Variants in SLCO5A1 observed in about 807,000 individuals in gnomAD.
SLCO5A1 encodes solute carrier organic anion transporter family member 5A1.
In SLCO5A1, 39 loss-of-function variants were observed where a neutral mutation model predicts 65.1. The observed-to-expected ratio is 0.60, with a 90% CI of 0.46 to 0.78. SLCO5A1 has a LOEUF of 0.78. Among genes scored for constraint, SLCO5A1 ranks in the 30% least tolerant of loss-of-function variants. SLCO5A1 has a pLI of 0.00. For missense variants in SLCO5A1, 1,029 were observed against 1,069.4 expected (o/e 0.96, Z 0.53); for synonymous variants, 438 against 415.7 (o/e 1.05, Z -0.65).
intron 3 of SLCO5A1, among the ~76,000 whole-genome samples, chr8:69,756,070 A>G (rs946900152): frequency 2.0e-5 from 3 of 152,212 alleles, no homozygotes; most frequent in Non-Finnish European, 4.4e-5. Context: ...TTAATATCCC[A>G]TGTGAAATAT....
intron 2 of SLCO5A1, among the ~76,000 whole-genome samples, chr8:69,762,513 C>T (rs1817846166): frequency 6.6e-6 from 1 of 151,850 alleles, no homozygotes; most frequent in Non-Finnish European, 1.5e-5. Context: ...TGTTCAGACC[C>T]CACTCCAGAA....
At chr8:69,714,972 T>C (rs968761867) in intron 5 of SLCO5A1, 15 of 152,244 alleles carry the variant, frequency 9.9e-5, no homozygotes, top group Non-Finnish European at 2.1e-4. Context: ...GCTTTTCATT[T>C]CAGGTTTCTG....
chr8:69,808,015 G>GT (rs1820078013), intron 2 of SLCO5A1, among the ~76,000 whole-genome samples: 1 of 152,056 alleles, frequency 6.6e-6, no homozygotes, highest in African/African-American at 2.4e-5. Context: ...GAATTTCCTG[G>GT]TTTTTAAGGC....
chr8:69,734,690 C>T (rs1816481522), intron 5 of SLCO5A1, among the ~76,000 whole-genome samples: 1 of 152,204 alleles, frequency 6.6e-6, no homozygotes, highest in Non-Finnish European at 1.5e-5. Context: ...CTATCCATAA[C>T]ACAACGCAAA....
intron 2 of SLCO5A1, among the ~76,000 whole-genome samples, chr8:69,797,049 T>C (rs1819530433): frequency 6.6e-6 from 1 of 152,182 alleles, no homozygotes; most frequent in Non-Finnish European, 1.5e-5. Context: ...TCCTTCATCT[T>C]CCTGTGTTGC....
At chr8:69,799,380 G>A (rs1479183251) in intron 2 of SLCO5A1, among the ~76,000 whole-genome samples, 3 of 152,158 alleles carry the variant, frequency 2.0e-5, no homozygotes, top group African/African-American at 7.2e-5. Flanking sequence ...CTGTGGTCTT[G>A]TTAGAGATAT....
At position 69,831,659 on chromosome 8, in the gene SLCO5A1, T is replaced by C. The variant is rs951666373; in HGVS notation, c.907+108A>G. The C allele has an allele frequency of 2.9e-5, 35 of 1,203,882 alleles. No individual in the cohort carries two copies. The Middle Eastern group carries it at 7.9e-4, about 27-fold the overall frequency. The allele number at this position is 1,203,882 out of a possible 1,614,324, so 74.6% of individuals were successfully genotyped here. On this transcript the variant is annotated intron_variant, in intron 2 of 9. Coordinates refer to ENST00000260126, the MANE Select transcript of SLCO5A1 (RefSeq NM_030958.3). ...AAACGTAAAATAAAGTGAACTTTAA[T>C]CTATAATATACATGAAAATGTGAAA...
chr8:69,740,433 G>A (rs1183041495), intron 4 of SLCO5A1, among the ~76,000 whole-genome samples: 1 of 152,198 alleles, frequency 6.6e-6, no homozygotes, highest in Non-Finnish European at 1.5e-5. Flanking sequence ...GATTGGAACT[G>A]GAGGTACTGG....
chr8:69,801,940 C>T (rs1045685788), intron 2 of SLCO5A1, among the ~76,000 whole-genome samples: 5 of 152,234 alleles, frequency 3.3e-5, no homozygotes, highest in African/African-American at 4.8e-5. Flanking sequence ...CCTTCCACCA[C>T]CTCATGTCGC....
chr8:69,796,356 G>A (rs1176724095), intron 2 of SLCO5A1, among the ~76,000 whole-genome samples: 2 of 151,766 alleles, frequency 1.3e-5, no homozygotes, highest in Non-Finnish European at 2.9e-5. Flanking sequence ...GCTCACACCT[G>A]TAATCACAGC....
chr8:69,693,655 GA>G (rs1345183889), intron 6 of SLCO5A1, among the ~76,000 whole-genome samples: 14 of 152,086 alleles, frequency 9.2e-5, no homozygotes, highest in Admixed American at 7.9e-4. Context: ...ACCTCTCTGA[GA>G]CTTTATCCTC....
chr8:69,816,110 A>G (rs1246675341), intron 2 of SLCO5A1, among the ~76,000 whole-genome samples: 3 of 152,212 alleles, frequency 2.0e-5, no homozygotes, highest in Non-Finnish European at 2.9e-5. Flanking sequence ...CAAGATATTG[A>G]GTAACTTGAA....
intron 6 of SLCO5A1, among the ~76,000 whole-genome samples, chr8:69,704,014 G>A (rs1415972284): frequency 1.3e-5 from 2 of 152,214 alleles, no homozygotes; most frequent in Non-Finnish European, 2.9e-5. Context: ...ATCAGCCACA[G>A]AGGTGTATTT....
intron 2 of SLCO5A1, among the ~76,000 whole-genome samples, chr8:69,784,811 A>AGGAAAG (rs1554620798): frequency 1.4e-5 from 1 of 70,950 alleles, no homozygotes; most frequent in East Asian, 3.0e-4. Flanking sequence ...GAAAGAAAGA[A>AGGAAAG]AAAGAAAGAA....
rs1815449963 is a variant in SLCO5A1 at position 69,715,099 on chromosome 8, T to A, written c.1424-9870A>T. 2.0e-5 allele frequency among the ~76,000 whole-genome samples: 3 copies of A among 152,318 alleles called. No homozygotes were observed. In the South Asian group the frequency reaches 6.2e-4, roughly 32 times the overall value. On this transcript the variant is annotated intron_variant, in intron 5 of 9. Coordinates refer to ENST00000260126, the MANE Select transcript of SLCO5A1 (RefSeq NM_030958.3). ...TGATGGCTTACAAACCTAAAAGAAT[T>A]TTCTGCATCCACGCGATAAACCCAC...
In SLCO5A1 at chr8:69,671,376, G is replaced by T. The variant is rs1342132942; in HGVS notation, c.*1493C>A. 1 of 152,172 alleles carries T rather than the reference G, an allele frequency of 6.6e-6. No individual in the cohort carries two copies. The highest frequency in any genetic ancestry group is 1.9e-4 in the East Asian group (1 of 5,190). 9.4% of individuals were successfully genotyped at this position (152,172 alleles called of 1,614,324 possible). The stretch of plus-strand genomic sequence containing the variant: ...GAAGAGAAAAACATTTCCCTAATTA[G>T]CCCTCCATGACCATAGGCTCCTTGG... On this transcript the variant is annotated 3_prime_UTR_variant, in exon 10 of 10. Coordinates refer to ENST00000260126, the MANE Select transcript of SLCO5A1 (RefSeq NM_030958.3).
chr8:69,802,386 G>T (rs1819780776), intron 2 of SLCO5A1, among the ~76,000 whole-genome samples: 1 of 151,506 alleles, frequency 6.6e-6, no homozygotes, highest in South Asian at 2.1e-4. Flanking sequence ...CATGCCTGCA[G>T]TCCCAGCTAC....
Position 69,832,810 on chromosome 8 carries a change from A to C in SLCO5A1, c.-137T>G, listed in dbSNP as rs1821232997. ...TGGGGCTGGGGGCGCAGGGCCGCGC[A>C]GCAGGGCATCCTCACCAGCTGCGAG... On this transcript the variant is annotated 5_prime_UTR_variant, in exon 2 of 10. Transcript: ENST00000260126. This position sits in a 1 kb window ranked among gnomAD's most constrained non-coding sequence, Gnocchi z 4.5. 1 of 1,002,116 alleles carries C rather than the reference A, an allele frequency of 1.0e-6. No homozygotes were observed. Among genetic ancestry groups the C allele is most frequent in the South Asian group, 1.7e-5 (1 of 59,970 alleles). 62.1% of individuals were successfully genotyped at this position (1,002,116 alleles called of 1,614,324 possible). A position where few individuals can be genotyped will look rare whatever the true frequency, so the allele number is the denominator to read the frequency against.
Position 69,667,774 on chromosome 8 carries a change from G to A in SLCO5A1, c.*5095C>T, listed in dbSNP as rs1228810864. 6.6e-6 allele frequency: 1 copy of A among 152,188 alleles called. No individual in the cohort carries two copies. Among genetic ancestry groups the A allele is most frequent in the Non-Finnish European group, 1.5e-5 (1 of 68,016 alleles). The allele number at this position is 152,188 out of a possible 1,614,324, so 9.4% of individuals were successfully genotyped here. A position where few individuals can be genotyped will look rare whatever the true frequency, so the allele number is the denominator to read the frequency against. On this transcript the variant is annotated 3_prime_UTR_variant, in exon 10 of 10. Coordinates refer to ENST00000260126, the MANE Select transcript of SLCO5A1 (RefSeq NM_030958.3). ...TGAAATATTTTTTCTACCTTTCTCT[G>A]AAATTATTTTTGGCATCTGATTATT...
Sources: gnomAD v4.1 joint callset for allele counts (sites outside exome capture counted in the v4.1 genomes callset) on GRCh38, gnomAD v4.1.1 for gene constraint, Gnocchi (gnomAD v3.1) non-coding constraint, MANE v1.5 for transcripts, NCBI Gene and HGNC (gene_info 2026-07-23, HGNC 2026-07-21) for gene names.